Variants in LARGE1 observed in about 807,000 individuals in gnomAD.
LARGE1 encodes xylosyl- and glucuronyltransferase LARGE1.
Under a neutral mutation model 87.6 loss-of-function variants are expected in LARGE1, and 43 were observed. The observed-to-expected ratio is 0.49, with a 90% CI of 0.38 to 0.63. The LOEUF (loss-of-function observed/expected upper bound fraction) is 0.63. Among genes scored for constraint, LARGE1 ranks in the 30% least tolerant of loss-of-function variants. The probability of loss-of-function intolerance (pLI) is 0.00; values close to 1 mark genes in which losing one functional copy is unlikely to be tolerated. For missense variants in LARGE1, 802 were observed against 1,000.2 expected (o/e 0.80, Z 2.67); for synonymous variants, 434 against 394.6 (o/e 1.10, Z -1.18).
At chr22:33,784,433 G>A (rs2085531941) in intron 1 of LARGE1, among the ~76,000 whole-genome samples, 1 of 152,130 alleles carries the variant, frequency 6.6e-6, no homozygotes, top group South Asian at 2.1e-4. Context: ...ATGTCTATTT[G>A]TCACCATATG....
chr22:33,838,362 GGTGTA>G (rs2063170111), intron 1 of LARGE1, among the ~76,000 whole-genome samples: 1 of 152,226 alleles, frequency 6.6e-6, no homozygotes. Flanking sequence ...AAATTGGACA[GGTGTA>G]GTGGCTCATG....
intron 6 of LARGE1, among the ~76,000 whole-genome samples, chr22:33,438,856 C>T (rs2147798487): frequency 6.6e-6 from 1 of 152,266 alleles, no homozygotes; most frequent in Non-Finnish European, 1.5e-5. Context: ...GTTTCCTTAT[C>T]ATAAAAGGTT....
At chr22:33,791,479 A>G (rs560054100) in intron 1 of LARGE1, among the ~76,000 whole-genome samples, 10 of 152,358 alleles carry the variant, frequency 6.6e-5, no homozygotes, top group Middle Eastern at 3.4e-3. Flanking sequence ...GAAGAAAAAT[A>G]CTAGCTTAGA....
chr22:33,298,356 A>G (rs1933647386), intron 12 of LARGE1, among the ~76,000 whole-genome samples: 1 of 152,222 alleles, frequency 6.6e-6, no homozygotes, highest in Non-Finnish European at 1.5e-5. Flanking sequence ...GAGGCATGGA[A>G]CAAAGAATGT....
the LARGE1 span, among the ~76,000 whole-genome samples, chr22:33,120,446 T>TTCTC: frequency 3.1e-4 from 46 of 148,532 alleles, no homozygotes; most frequent in African/African-American, 1.1e-3. Flanking sequence ...CCTTCCTTCC[T>TTCTC]TCTCTCTCTC....
intron 7 of LARGE1, among the ~76,000 whole-genome samples, chr22:33,396,851 T>A (rs1161047229): frequency 1.3e-5 from 2 of 152,226 alleles, no homozygotes; most frequent in African/African-American, 4.8e-5. Context: ...AAGGTTGTGA[T>A]AGAACTAAGG....
the LARGE1 span, among the ~76,000 whole-genome samples, chr22:33,070,326 T>C: frequency 3.9e-5 from 6 of 152,316 alleles, no homozygotes; most frequent in African/African-American, 1.4e-4. Flanking sequence ...CTGTGCTATG[T>C]ATAGAACAAT....
At chr22:33,440,817 C>A (rs1042730072) in intron 6 of LARGE1, among the ~76,000 whole-genome samples, 2 of 152,116 alleles carry the variant, frequency 1.3e-5, no homozygotes, top group Admixed American at 1.3e-4. Context: ...TGTTTCACAG[C>A]TCCTACTTTG....
chr22:33,656,150 C>T (rs1043404448), intron 2 of LARGE1, among the ~76,000 whole-genome samples: 3 of 152,072 alleles, frequency 2.0e-5, no homozygotes, highest in South Asian at 2.1e-4. Flanking sequence ...TCAATTTTCA[C>T]GCTGCTGATA....
intron 3 of LARGE1, among the ~76,000 whole-genome samples, chr22:33,629,160 G>A (rs1305511047): frequency 6.6e-6 from 1 of 152,132 alleles, no homozygotes; most frequent in East Asian, 1.9e-4. Context: ...AAAGACTCAG[G>A]ATGAAAGATT....
intron 11 of LARGE1, among the ~76,000 whole-genome samples, chr22:33,252,131 C>T (rs1649045505): frequency 1.3e-5 from 2 of 152,120 alleles, no homozygotes; most frequent in Admixed American, 1.3e-4. Flanking sequence ...GGATATACTG[C>T]ATACTCAACA....
intron 6 of LARGE1, among the ~76,000 whole-genome samples, chr22:33,479,066 C>T (rs1457641322): frequency 2.0e-5 from 3 of 152,120 alleles, no homozygotes; most frequent in African/African-American, 7.2e-5. Context: ...TTTGTTTAAG[C>T]CTGAATTCCT....
intron 5 of LARGE1, 26 bp from the exon 6 acceptor site, chr22:33,565,045 G>A (rs980556522): frequency 9.9e-6 from 16 of 1,609,940 alleles, no homozygotes; most frequent in East Asian, 6.7e-5. Context: ...CAGAGAGAGA[G>A]TTGGAGAAAG....
intron 2 of LARGE1, among the ~76,000 whole-genome samples, chr22:33,657,761 G>A (rs561455315): frequency 1.3e-5 from 2 of 152,244 alleles, no homozygotes; most frequent in Non-Finnish European, 2.9e-5. Flanking sequence ...CACGTTTGCA[G>A]TCTGATAATG....
At chr22:33,690,445 A>G (rs1409850435) in intron 2 of LARGE1, among the ~76,000 whole-genome samples, 1 of 152,124 alleles carries the variant, frequency 6.6e-6, no homozygotes, top group African/African-American at 2.4e-5. Flanking sequence ...CCCCAGAAAT[A>G]GGTATCTACA....
At chr22:33,125,314 AG>A in the LARGE1 span, among the ~76,000 whole-genome samples, 1 of 152,216 alleles carries the variant, frequency 6.6e-6, no homozygotes, top group African/African-American at 2.4e-5. Context: ...GAATTTGGTT[AG>A]GTGCTGGGTA....
At chr22:33,305,886 G>C (rs1420321979) in intron 11 of LARGE1, among the ~76,000 whole-genome samples, 1 of 144,274 alleles carries the variant, frequency 6.9e-6, no homozygotes, top group Non-Finnish European at 1.5e-5. Context: ...TGTTGCCCAG[G>C]ATGGTGCAGT....
intron 11 of LARGE1, among the ~76,000 whole-genome samples, chr22:33,185,234 G>A (rs1568964444): frequency 6.6e-6 from 1 of 152,070 alleles, no homozygotes; most frequent in Admixed American, 6.6e-5. Context: ...AAAGATATAA[G>A]CTATCAAGCC....
chr22:33,276,375 C>T (rs1345414645), intron 14 of LARGE1, among the ~76,000 whole-genome samples: 2 of 152,152 alleles, frequency 1.3e-5, no homozygotes, highest in Non-Finnish European at 2.9e-5. Context: ...AACAGCCACA[C>T]CCATTTGTTT....
Sources: allele counts gnomAD v4.1 joint callset (sites outside exome capture counted in the v4.1 genomes callset), GRCh38; gene constraint gnomAD v4.1.1; transcripts MANE v1.5; gene names NCBI Gene and HGNC (gene_info 2026-07-23, HGNC 2026-07-21).